The following SAE1 variants were observed in gnomAD, a reference collection of about 807,000 sequenced individuals.
The protein encoded by SAE1 is SUMO1 activating enzyme subunit 1, also known as SUMO-activating enzyme subunit 1.
SAE1 carries 11 observed loss-of-function variants against 40.6 expected under a neutral mutation model. The observed-to-expected ratio is 0.27, with a 90% CI of 0.17 to 0.45. The LOEUF (loss-of-function observed/expected upper bound fraction) is 0.45. Ranked by LOEUF, SAE1 falls within the 20% of genes least tolerant of loss-of-function variation. SAE1 has a pLI of 1.00. For synonymous variants in SAE1, 155 were observed against 154.3 expected, an observed-to-expected ratio of 1.00 and a Z score of -0.03; for missense variants, 373 against 427.3, an observed-to-expected ratio of 0.87 and a Z score of 1.12.
At chr19:47,136,140 G>A (rs896176851) in intron 1 of SAE1, among the ~76,000 whole-genome samples, 1 of 151,960 alleles carries the variant, frequency 6.6e-6, no homozygotes, top group African/African-American at 2.4e-5. Context: ...GGGATTTATT[G>A]CAGTTTTTTT....
chr19:47,137,703 T>TTGTGTG (rs35991953), intron 1 of SAE1, among the ~76,000 whole-genome samples: 26 of 135,066 alleles, frequency 1.9e-4, no homozygotes, highest in African/African-American at 6.5e-4. Context: ...ACTCAGCTGA[T>TTGTGTG]TGTGTGTGTG....
At chr19:47,132,798 G>A (rs1459861774) in intron 1 of SAE1, among the ~76,000 whole-genome samples, 2 of 151,534 alleles carry the variant, frequency 1.3e-5, no homozygotes, top group African/African-American at 2.4e-5. Flanking sequence ...TGAGGTGGGA[G>A]CATCACCTGA....
intron 6 of SAE1, among the ~76,000 whole-genome samples, chr19:47,179,708 G>T (rs1341787043): frequency 3.9e-5 from 6 of 151,966 alleles, no homozygotes; most frequent in Non-Finnish European, 7.4e-5. Context: ...GGGATTACAG[G>T]CATGCAATAC....
At chr19:47,198,428 A>G (rs752841383) in intron 7 of SAE1, among the ~76,000 whole-genome samples, 2 of 152,022 alleles carry the variant, frequency 1.3e-5, no homozygotes, top group South Asian at 4.1e-4. Context: ...TCTCCTTCCA[A>G]GCAGCTCTGG....
At chr19:47,202,128 A>G (rs1040568000) in intron 7 of SAE1, among the ~76,000 whole-genome samples, 2 of 152,158 alleles carry the variant, frequency 1.3e-5, no homozygotes, top group East Asian at 3.8e-4. Context: ...ATGAAAAACT[A>G]GCATTGCTAT....
intron 6 of SAE1, among the ~76,000 whole-genome samples, chr19:47,189,432 G>A (rs1179466320): frequency 6.6e-6 from 1 of 152,080 alleles, no homozygotes; most frequent in African/African-American, 2.4e-5. Context: ...GTAGTGGTGC[G>A]TGCCTGTAAT....
At chr19:47,166,067 TCTC>T (rs953739366) in intron 5 of SAE1, among the ~76,000 whole-genome samples, 25 of 152,156 alleles carry the variant, frequency 1.6e-4, no homozygotes, top group Admixed American at 2.0e-4. Context: ...ACCCCTGAAA[TCTC>T]CTGCCCAGAC....
intron 2 of SAE1, among the ~76,000 whole-genome samples, chr19:47,145,176 G>A (rs1006065419): frequency 2.0e-5 from 3 of 151,930 alleles, no homozygotes; most frequent in South Asian, 4.2e-4. Flanking sequence ...CTAATTTAAC[G>A]TTTTTAGTAG....
At chr19:47,193,782 C>T (rs2058594657) in intron 6 of SAE1, among the ~76,000 whole-genome samples, 1 of 147,712 alleles carries the variant, frequency 6.8e-6, no homozygotes, top group African/African-American at 2.5e-5. Flanking sequence ...GAGCCGAGAT[C>T]ACGCCATTGC....
intron 1 of SAE1, among the ~76,000 whole-genome samples, chr19:47,138,302 C>T (rs2058195250): frequency 6.6e-6 from 1 of 152,132 alleles, no homozygotes; most frequent in Non-Finnish European, 1.5e-5. Flanking sequence ...CCTCAGCCTC[C>T]TTAAGTGCTG....
chr19:47,174,563 ATTTTTTTTTT>A (rs71180803), intron 6 of SAE1, among the ~76,000 whole-genome samples: 4 of 88,526 alleles, frequency 4.5e-5, no homozygotes, highest in African/African-American at 2.0e-4. Flanking sequence ...CGCCTGGCAA[ATTTTTTTTTT>A]TTTTTTTTTT....
At chr19:47,198,601 C>G (rs952830074) in intron 7 of SAE1, among the ~76,000 whole-genome samples, 1 of 152,150 alleles carries the variant, frequency 6.6e-6, no homozygotes, top group Non-Finnish European at 1.5e-5. Flanking sequence ...AGATCCCACC[C>G]CAGGTATCAT....
In SAE1 at chr19:47,142,316, G is replaced by C. The variant is rs538582617; in HGVS notation, c.99-1178G>C. 2.6e-5 allele frequency among the ~76,000 whole-genome samples: 4 copies of C among 151,826 alleles called. No individual in the cohort carries two copies. The South Asian group carries it at 8.3e-4, about 32-fold the overall frequency. On this transcript the variant is annotated intron_variant, in intron 1 of 8. Coordinates refer to ENST00000270225, the MANE Select transcript of SAE1 (RefSeq NM_005500.3). ...GGAGAATTGCTTGGACCTGGGAGGC[G>C]GAGGTTGTAGTGAGCTGAGATCACG... is the stretch of plus-strand genomic sequence containing the variant.
chr19:47,186,594 A>G (rs2058545949), intron 6 of SAE1, among the ~76,000 whole-genome samples: 2 of 152,112 alleles, frequency 1.3e-5, no homozygotes, highest in African/African-American at 4.8e-5. Flanking sequence ...GTAAGCAAAA[A>G]ATGGCATCTT....
At chr19:47,202,130 C>T (rs2058659007) in intron 7 of SAE1, among the ~76,000 whole-genome samples, 1 of 152,090 alleles carries the variant, frequency 6.6e-6, no homozygotes, top group Non-Finnish European at 1.5e-5. Flanking sequence ...GAAAAACTAG[C>T]ATTGCTATAT....
intron 8 of SAE1, among the ~76,000 whole-genome samples, chr19:47,205,653 T>G (rs1359765154): frequency 6.6e-6 from 1 of 152,018 alleles, no homozygotes; most frequent in African/African-American, 2.4e-5. Flanking sequence ...ATGTACATAT[T>G]TTTGTAGCCT....
At chr19:47,186,252 A>T (rs1024716410) in intron 6 of SAE1, among the ~76,000 whole-genome samples, 2 of 99,360 alleles carry the variant, frequency 2.0e-5, no homozygotes, top group Non-Finnish European at 4.4e-5. Context: ...AAATAAAAAT[A>T]AAAAAAAAAT....
chr19:47,199,482 G>C (rs908853849), intron 7 of SAE1, among the ~76,000 whole-genome samples: 1 of 151,980 alleles, frequency 6.6e-6, no homozygotes, highest in African/African-American at 2.4e-5. Context: ...CCCCAAAGAG[G>C]GTGGGCAGGG....
chr19:47,206,695 A>G (rs911100001), intron 8 of SAE1, among the ~76,000 whole-genome samples: 4 of 152,168 alleles, frequency 2.6e-5, no homozygotes, highest in Non-Finnish European at 5.9e-5. Flanking sequence ...TGAGGGTCTA[A>G]GAGTTCCACC....
Sources: gnomAD v4.1 joint callset for allele counts (sites outside exome capture counted in the v4.1 genomes callset) on GRCh38, gnomAD v4.1.1 for gene constraint, MANE v1.5 for transcripts, NCBI Gene and HGNC (gene_info 2026-07-23, HGNC 2026-07-21) for gene names.